Variants in DNAAF4 observed in about 807,000 individuals in gnomAD.
DNAAF4 encodes dynein assembly factor 4, axonemal.
In DNAAF4, 43 loss-of-function variants were observed where a neutral mutation model predicts 51.8. That is an observed-to-expected ratio of 0.83 (90% confidence interval 0.65 to 1.07). DNAAF4 has a LOEUF of 1.07. Among genes scored for constraint, DNAAF4 ranks in the 50% least tolerant of loss-of-function variants. The pLI is 0.00. For synonymous variants in DNAAF4, 194 were observed against 165.6 expected (o/e 1.17, Z -1.32); for missense variants, 581 against 493.0 (o/e 1.18, Z -1.69).
At chr15:55,447,136 A>G (rs1179152709) in intron 6 of DNAAF4, among the ~76,000 whole-genome samples, 1 of 135,498 alleles carries the variant, frequency 7.4e-6, no homozygotes, top group Non-Finnish European at 1.6e-5. Context: ...CTCACTTCCC[A>G]GACGGGGTGG....
chr15:55,447,378 G>C (rs1289861818), intron 6 of DNAAF4, among the ~76,000 whole-genome samples: 1 of 152,098 alleles, frequency 6.6e-6, no homozygotes, highest in Non-Finnish European at 1.5e-5. Flanking sequence ...TGGGGTGGCG[G>C]CCAGGCAGAG....
At chr15:55,450,649 T>C (rs1008878704) in intron 5 of DNAAF4, among the ~76,000 whole-genome samples, 2 of 152,204 alleles carry the variant, frequency 1.3e-5, no homozygotes, top group African/African-American at 4.8e-5. Context: ...TAGGCAACTC[T>C]ACATCAACTC....
At chr15:55,466,460 T>C (rs915444575) in intron 5 of DNAAF4, among the ~76,000 whole-genome samples, 2 of 152,196 alleles carry the variant, frequency 1.3e-5, no homozygotes, top group Admixed American at 6.6e-5. Context: ...TGTTTTTGAA[T>C]ACACCAAGAT....
downstream of DNAAF4, among the ~76,000 whole-genome samples, chr15:55,427,731 G>C (rs970085421): frequency 7.9e-5 from 12 of 151,842 alleles, no homozygotes; most frequent in Non-Finnish European, 1.8e-4. Context: ...CGCCTCCCGG[G>C]TTCAAGGGAT....
intron 4 of DNAAF4, among the ~76,000 whole-genome samples, chr15:55,486,766 G>C (rs1183129896): frequency 2.0e-5 from 3 of 149,140 alleles, no homozygotes; most frequent in Non-Finnish European, 4.4e-5. Context: ...CTGGGCAACA[G>C]ACCCTGTCTC....
At chr15:55,433,625 C>CAAAA (rs750056970) in intron 8 of DNAAF4, among the ~76,000 whole-genome samples, 15 of 56,614 alleles carry the variant, frequency 2.6e-4, no homozygotes, top group African/African-American at 9.5e-4. Flanking sequence ...GACCTCGTCT[C>CAAAA]AAAAAAAAAA....
At chr15:55,483,636 G>A (rs1303942662) in intron 4 of DNAAF4, among the ~76,000 whole-genome samples, 1 of 151,674 alleles carries the variant, frequency 6.6e-6, no homozygotes, top group East Asian at 2.0e-4. Context: ...TGTCTTCTGG[G>A]TTCAAGTGAT....
intron 1 of DNAAF4, among the ~76,000 whole-genome samples, chr15:55,507,362 A>G (rs917013670): frequency 2.0e-5 from 3 of 152,214 alleles, no homozygotes; most frequent in African/African-American, 7.2e-5. Flanking sequence ...ACATGCTCAG[A>G]ACACTTACAT....
downstream of DNAAF4, among the ~76,000 whole-genome samples, chr15:55,426,562 T>C (rs538621620): frequency 6.6e-6 from 1 of 152,302 alleles, no homozygotes; most frequent in Admixed American, 6.5e-5. Flanking sequence ...CCTGAGTAGC[T>C]GGGATTACAG....
chr15:55,440,244 G>A (rs1266171657), intron 6 of DNAAF4, among the ~76,000 whole-genome samples: 1 of 151,732 alleles, frequency 6.6e-6, no homozygotes, highest in East Asian at 1.9e-4. Flanking sequence ...GTAGAGACAG[G>A]GTTTCACTAT....
downstream of DNAAF4, among the ~76,000 whole-genome samples, chr15:55,428,098 C>A (rs1222803075): frequency 6.6e-6 from 1 of 151,938 alleles, no homozygotes; most frequent in East Asian, 1.9e-4. Flanking sequence ...GGATTACAAG[C>A]ACCTGCCACC....
In DNAAF4 at chr15:55,497,867, G is replaced by A. The variant is rs1182129004; in HGVS notation, c.124-8C>T. 6.3e-7 allele frequency: 1 copy of A among 1,592,716 alleles called. No homozygotes were observed. The highest frequency in any genetic ancestry group is 2.2e-5 in the East Asian group (1 of 44,608). On this transcript the variant is annotated splice_region_variant and splice_polypyrimidine_tract_variant and intron_variant, in intron 2 of 9. Coordinates refer to ENST00000321149, the MANE Select transcript of DNAAF4 (RefSeq NM_130810.4). The stretch of plus-strand genomic sequence containing the variant: ...AAATGGAGGAAAGTTGACCTATGCA[G>A]AAGGGTGAAAACAGAAACTAAGTTA...
intron 4 of DNAAF4, among the ~76,000 whole-genome samples, chr15:55,490,748 T>C (rs2058559266): frequency 1.3e-5 from 2 of 151,960 alleles, no homozygotes; most frequent in African/African-American, 2.4e-5. Context: ...GGTCAGGAGA[T>C]CGAGACCATC....
intron 5 of DNAAF4, among the ~76,000 whole-genome samples, chr15:55,457,719 C>T (rs931604642): frequency 1.3e-5 from 2 of 152,166 alleles, no homozygotes; most frequent in African/African-American, 4.8e-5. Flanking sequence ...AATCTGTCCA[C>T]GTGACAACTT....
At chr15:55,501,136 T>TA (rs1225819674) in intron 1 of DNAAF4, among the ~76,000 whole-genome samples, 1 of 151,004 alleles carries the variant, frequency 6.6e-6, no homozygotes, top group Non-Finnish European at 1.5e-5. Flanking sequence ...CGATCTCGGC[T>TA]CACTGCAACC....
intron 4 of DNAAF4, among the ~76,000 whole-genome samples, chr15:55,479,378 TCTTTA>T (rs538514372): frequency 2.2e-4 from 33 of 152,146 alleles, no homozygotes; most frequent in Admixed American, 4.6e-4. Flanking sequence ...TTTATGCCTG[TCTTTA>T]CTTTAATCTC....
chr15:55,424,869 C>CT (rs908921466), intron 7 of DNAAF4, among the ~76,000 whole-genome samples: 134 of 147,432 alleles, frequency 9.1e-4, no homozygotes, highest in African/African-American at 2.7e-3. Context: ...CTGTACCTTG[C>CT]TTTTTTTTTG....
chr15:55,505,867 G>A (rs1253127584), intron 1 of DNAAF4, among the ~76,000 whole-genome samples: 1 of 152,176 alleles, frequency 6.6e-6, no homozygotes, highest in Non-Finnish European at 1.5e-5. Context: ...GTATACCTAT[G>A]TAACAAACCT....
chr15:55,430,930 T>C, intron 9 of DNAAF4, 151 bp from the exon 10 acceptor site: 1 of 598,742 alleles, frequency 1.7e-6, no homozygotes, highest in Non-Finnish European at 2.7e-6. Context: ...TCTTTTTTTT[T>C]TGAGACAGAG....
Sources: gnomAD v4.1 joint callset for allele counts (sites outside exome capture counted in the v4.1 genomes callset) on GRCh38, gnomAD v4.1.1 for gene constraint, MANE v1.5 for transcripts, NCBI Gene and HGNC (gene_info 2026-07-23, HGNC 2026-07-21) for gene names.